Variants in PTPN13 observed in about 807,000 individuals in gnomAD.
PTPN13 encodes protein tyrosine phosphatase non-receptor type 13.
Under a neutral mutation model 284.0 loss-of-function variants are expected in PTPN13, and 191 were observed. That is an observed-to-expected ratio of 0.67 (90% CI 0.60 to 0.76). PTPN13 has a LOEUF of 0.76. PTPN13 is among the 30% of genes least tolerant of loss of function. PTPN13 has a pLI of 0.00. For synonymous variants in PTPN13, 986 were observed against 1,022.3 expected (o/e 0.96, Z 0.68); for missense variants, 2,797 against 2,939.9 (o/e 0.95, Z 1.12).
rs138845197 is a variant in PTPN13, at chr4:86,696,665, A to G, written c.634+2991A>G. Among the ~76,000 whole-genome samples, 727 of 152,120 alleles carry G rather than the reference A, an allele frequency of 4.8e-3. 2 individuals are homozygous for G. The highest frequency in any genetic ancestry group is 0.016 in the African/African-American group (683 of 41,560). ...GCGTTGACTGTCATGACTTTACAAA[A>G]TTAACAGAGAAATCAAATCCTTAAG... On this transcript the variant is annotated intron_variant, in intron 6 of 47. Coordinates refer to ENST00000411767, the MANE Select transcript of PTPN13 (RefSeq NM_080683.3).
intron 15 of PTPN13, among the ~76,000 whole-genome samples, chr4:86,740,120 T>G (rs1271190394): frequency 2.6e-5 from 4 of 152,146 alleles, no homozygotes; most frequent in Non-Finnish European, 5.9e-5. Context: ...TGTCGTTGGA[T>G]CTACCATTCT....
At chr4:86,774,701 T>TTATATA (rs34474473) in intron 33 of PTPN13, among the ~76,000 whole-genome samples, 170 bp downstream of exon 33, 1 of 110,578 alleles carries the variant, frequency 9.0e-6, no homozygotes, top group Admixed American at 8.4e-5. Flanking sequence ...GGAAATTATT[T>TTATATA]TATATATATA....
intron 42 of PTPN13, among the ~76,000 whole-genome samples, chr4:86,800,485 C>T (rs1172896073): frequency 1.3e-5 from 2 of 152,002 alleles, no homozygotes; most frequent in African/African-American, 4.8e-5. Flanking sequence ...AACCTCGTCT[C>T]TTCTAAAAAT....
At chr4:86,661,509 TCTTC>T (rs1726483223) in intron 2 of PTPN13, among the ~76,000 whole-genome samples, 1 of 152,166 alleles carries the variant, frequency 6.6e-6, no homozygotes, top group South Asian at 2.1e-4. Flanking sequence ...ATTCAAATAA[TCTTC>T]CTTCCTCCTT....
intron 2 of PTPN13, among the ~76,000 whole-genome samples, chr4:86,653,873 G>A (rs1422599166): frequency 6.6e-6 from 1 of 152,268 alleles, no homozygotes; most frequent in East Asian, 1.9e-4. Context: ...AGAAACATCT[G>A]TGGTGCAGAT....
chr4:86,787,647 A>C (rs1035379361), intron 40 of PTPN13, among the ~76,000 whole-genome samples: 1 of 152,052 alleles, frequency 6.6e-6, no homozygotes, highest in African/African-American at 2.4e-5. Flanking sequence ...CATCTGAGGT[A>C]GCTATTGTTA....
intron 1 of PTPN13, among the ~76,000 whole-genome samples, chr4:86,601,785 C>T (rs958267977): frequency 2.6e-5 from 4 of 152,168 alleles, no homozygotes; most frequent in African/African-American, 9.6e-5. Context: ...CTGTGAGCCA[C>T]AATGTTTGAG....
Position 86,799,082 on chromosome 4 carries a change from ATATGTTTTGTTTTCATAGCT to A in PTPN13, c.6402-16_6405del. 7.0e-7 allele frequency: 1 copy of A among 1,427,960 alleles called. No homozygotes were observed. 88.5% of individuals were successfully genotyped at this position (1,427,960 alleles called of 1,614,324 possible). On this transcript the variant is annotated splice_acceptor_variant and splice_polypyrimidine_tract_variant and coding_sequence_variant and intron_variant, in exon 42 of 48. Coordinates refer to ENST00000411767, the MANE Select transcript of PTPN13 (RefSeq NM_080683.3). LOFTEE classifies it high-confidence loss of function. ...TACAAAAATGAAGAAAATGTTTCAA[ATATGTTTTGTTTTCATAGCT>A]TAATTCAGAAGCCACAAGAAAAGAA...
chr4:86,789,864 A>G (rs1428509343), intron 40 of PTPN13, among the ~76,000 whole-genome samples: 1 of 149,772 alleles, frequency 6.7e-6, no homozygotes. Flanking sequence ...TTTTTGAGTA[A>G]CAGCAAGATT....
At chr4:86,674,092 T>C (rs1048127036) in intron 3 of PTPN13, among the ~76,000 whole-genome samples, 5 of 152,194 alleles carry the variant, frequency 3.3e-5, no homozygotes, top group African/African-American at 1.2e-4. Flanking sequence ...AGGTTTAAAA[T>C]AGAAGTATCC....
chr4:86,738,722 C>G (rs1003535605), intron 15 of PTPN13, among the ~76,000 whole-genome samples: 2 of 151,950 alleles, frequency 1.3e-5, no homozygotes, highest in Non-Finnish European at 2.9e-5. Context: ...ACTCTGTTGC[C>G]CAGGCTGGAA....
intron 41 of PTPN13, among the ~76,000 whole-genome samples, chr4:86,798,758 A>C (rs12499991): frequency 0.099 from 15,150 of 152,270 alleles, 877 homozygotes; most frequent in Non-Finnish European, 0.11. Flanking sequence ...TAGTGGGCAG[A>C]TGCTGAAAAG....
In PTPN13 at chr4:86,774,385, C is replaced by T. The variant is rs1235279886; in HGVS notation, c.5362C>T (p.Leu1788Phe). 1 of 1,605,962 alleles carries T rather than the reference C, an allele frequency of 6.2e-7. No homozygotes were observed. The highest frequency in any genetic ancestry group is 1.3e-5 in the African/African-American group (1 of 74,880). The change falls in exon 33 of 48, where the codon CTC becomes TTC. Residue 1788 changes from leucine to phenylalanine, a missense_variant. By Grantham distance (22) the Leu-to-Phe change is conservative (BLOSUM62 0). Transcript: ENST00000411767. ...LEDFELEVEL[L>F]ITLIKSEKGS... ...TTTTTTCCCTTAGGAAGTAGAACTCCTCATTACCCTAATTAAATCAGAAAA... is the reference window on the plus strand; with the variant it reads ...TTTTTTCCCTTAGGAAGTAGAACTCTTCATTACCCTAATTAAATCAGAAAA...
chr4:86,673,796 C>T (rs1727972224), intron 3 of PTPN13, among the ~76,000 whole-genome samples: 1 of 152,158 alleles, frequency 6.6e-6, no homozygotes, highest in African/African-American at 2.4e-5. Flanking sequence ...CAACCTCTGC[C>T]TCCTGGGTTC....
chr4:86,784,255 A>G (rs1242437700), intron 37 of PTPN13, among the ~76,000 whole-genome samples: 1 of 152,090 alleles, frequency 6.6e-6, no homozygotes, highest in Non-Finnish European at 1.5e-5. Flanking sequence ...TGTTTCACCT[A>G]GTATTTCCAG....
At chr4:86,613,475 A>T (rs369396700) in intron 1 of PTPN13, among the ~76,000 whole-genome samples, 5 of 152,122 alleles carry the variant, frequency 3.3e-5, no homozygotes, top group African/African-American at 1.2e-4. Context: ...TCTACTAAAA[A>T]TACGAAAAGT....
In PTPN13 at chr4:86,758,344, G is replaced by A. The variant is rs1268008448; in HGVS notation, c.3308G>A (p.Gly1103Asp). The A allele has an allele frequency of 5.0e-6, 8 of 1,603,350 alleles. No homozygotes were observed. In the Admixed American group the frequency reaches 1.2e-4, roughly 24 times the overall value. Residue 1103 changes from glycine (G) to aspartate (D), a missense_variant, in exon 21 of 48, where the codon GGC becomes GAC. Coordinates refer to ENST00000411767, the MANE Select transcript of PTPN13 (RefSeq NM_080683.3). Reference sequence around the variant, plus strand: ...AACCTGAAAAAAGATGCAAAGTATGGCTTGGGTAAGTCACCGTGAGATTCT... The same window carrying A: ...AACCTGAAAAAAGATGCAAAGTATGACTTGGGTAAGTCACCGTGAGATTCT... ...LVNLKKDAKY[G>D]LGFQIIGGEK...
rs72872219 is a variant in PTPN13, at chr4:86,693,196, C to A, written c.547-391C>A. On this transcript the variant is annotated intron_variant, in intron 5 of 47. Transcript: ENST00000411767. Reference sequence around the variant, plus strand: ...ATTCATAGTTATAATCAAGAGAAAGCTTTATTATACCAAAATTAATGTGGT... The same window carrying A: ...ATTCATAGTTATAATCAAGAGAAAGATTTATTATACCAAAATTAATGTGGT... Among the ~76,000 whole-genome samples the A allele has an allele frequency of 1.3e-3, 196 of 150,940 alleles. 1 individual carries two copies. Among genetic ancestry groups the A allele is most frequent in the African/African-American group, 4.6e-3 (188 of 41,122 alleles).
chr4:86,811,087 A>T lies in PTPN13; in HGVS notation c.7341A>T (p.Arg2447Ser), dbSNP rs767476578. The T allele has an allele frequency of 6.2e-7, 1 of 1,613,688 alleles. No homozygotes were observed. Among genetic ancestry groups the T allele is most frequent in the Admixed American group, 1.7e-5 (1 of 60,010 alleles). Residue 2447 changes from arginine (R) to serine (S), a missense_variant, in exon 47 of 48, where the codon AGA becomes AGT. Physicochemically the swap from Arg to Ser is moderately radical, Grantham distance 110 (BLOSUM62 -1). Coordinates refer to ENST00000411767, the MANE Select transcript of PTPN13 (RefSeq NM_080683.3). ...SDLVRCMRLQ[R>S]HGMVQTEDQY... ...TGGTGCGCTGCATGAGACTACAAAGACACGGAATGGTTCAGACAGAGGTGA... is the reference window on the plus strand; with the variant it reads ...TGGTGCGCTGCATGAGACTACAAAGTCACGGAATGGTTCAGACAGAGGTGA...
Sources: allele counts gnomAD v4.1 joint callset (sites outside exome capture counted in the v4.1 genomes callset), GRCh38; gene constraint gnomAD v4.1.1; transcripts MANE v1.5; gene names NCBI Gene and HGNC (gene_info 2026-07-23, HGNC 2026-07-21).